The following HS6ST3 variants were observed in gnomAD, a reference collection of about 807,000 sequenced individuals.
The protein encoded by HS6ST3 is heparan sulfate 6-O-sulfotransferase 3.
A neutral mutation model predicts 36.7 loss-of-function variants in HS6ST3; 12 were observed. The ratio of observed to expected loss-of-function variants is 0.33; its 90% CI spans 0.21 to 0.53. The LOEUF (loss-of-function observed/expected upper bound fraction) is 0.53. HS6ST3 is among the 20% of genes least tolerant of loss of function. The pLI, the probability that HS6ST3 is intolerant of heterozygous loss-of-function variation, is 0.95. For missense variants in HS6ST3, 584 were observed against 640.9 expected (o/e 0.91, Z 0.96); for synonymous variants, 240 against 257.5 (o/e 0.93, Z 0.65).
At chr13:96,430,050 A>C (rs12875799) in intron 1 of HS6ST3, among the ~76,000 whole-genome samples, 11,921 of 152,218 alleles carry the variant, frequency 0.078, 619 homozygotes, top group African/African-American at 0.14. Flanking sequence ...AATTTGATTT[A>C]ATGTACTTGC....
chr13:96,109,843 G>A (rs2053859436), intron 1 of HS6ST3, among the ~76,000 whole-genome samples: 2 of 152,182 alleles, frequency 1.3e-5, no homozygotes, highest in South Asian at 4.1e-4. Flanking sequence ...CACTATCTAA[G>A]TTATGATGTG....
At chr13:96,426,038 T>C (rs1823001093) in intron 1 of HS6ST3, among the ~76,000 whole-genome samples, 1 of 150,444 alleles carries the variant, frequency 6.6e-6, no homozygotes, top group African/African-American at 2.5e-5. Context: ...GATCTTCATA[T>C]GGAAACACAA....
chr13:96,239,606 A>AC (rs1195065491), intron 1 of HS6ST3, among the ~76,000 whole-genome samples: 2 of 152,254 alleles, frequency 1.3e-5, no homozygotes, highest in Non-Finnish European at 2.9e-5. Flanking sequence ...TTTACTGTAC[A>AC]AAAGAAATTT....
At chr13:96,662,596 A>C (rs1245660679) in intron 1 of HS6ST3, among the ~76,000 whole-genome samples, 1 of 151,052 alleles carries the variant, frequency 6.6e-6, no homozygotes, top group African/African-American at 2.4e-5. Context: ...TAAAATCTAT[A>C]TTTTGAATTT....
rs915268139 is a variant in HS6ST3, at chr13:96,387,482, G to A, written c.707+295913G>A. Among the ~76,000 whole-genome samples, 12 of 152,194 alleles carry A rather than the reference G, an allele frequency of 7.9e-5. No individual in the cohort carries two copies. The East Asian group carries it at 2.3e-3, about 29-fold the overall frequency. On this transcript the variant is annotated intron_variant, in intron 1 of 1. Coordinates refer to ENST00000376705, the MANE Select transcript of HS6ST3 (RefSeq NM_153456.4). Reference sequence around the variant, plus strand: ...GTGGAGCTATTTGTCATTTGTCTGTGTATGGTGGTTAAAACATTTTCTTTT... The same window carrying A: ...GTGGAGCTATTTGTCATTTGTCTGTATATGGTGGTTAAAACATTTTCTTTT...
intron 1 of HS6ST3, among the ~76,000 whole-genome samples, chr13:96,430,508 G>A (rs529714495): frequency 6.6e-6 from 1 of 152,146 alleles, no homozygotes; most frequent in Non-Finnish European, 1.5e-5. Context: ...CCTGGGGTGA[G>A]GCCCTCATTG....
intron 1 of HS6ST3, among the ~76,000 whole-genome samples, chr13:96,570,041 T>C (rs2056295456): frequency 6.6e-6 from 1 of 152,344 alleles, no homozygotes; most frequent in South Asian, 2.1e-4. Flanking sequence ...AACTGAGACA[T>C]TATTATTTTA....
chr13:96,280,856 C>T (rs2139393646), intron 1 of HS6ST3, among the ~76,000 whole-genome samples: 1 of 152,228 alleles, frequency 6.6e-6, no homozygotes, highest in Middle Eastern at 3.4e-3. Flanking sequence ...TACAAAGACA[C>T]CATATCTTTG....
chr13:96,625,633 A>G lies in HS6ST3; in HGVS notation c.708-206857A>G, dbSNP rs570479166. ...TTCCTAAATACTAATAAAATTGAAC[A>G]TAGTTTCTTGTGTTTATAAGCCTTT... On this transcript the variant is annotated intron_variant, in intron 1 of 1. Transcript: ENST00000376705. Among the ~76,000 whole-genome samples the G allele has an allele frequency of 3.9e-5, 6 of 152,164 alleles. No homozygotes were observed. The East Asian group carries it at 1.2e-3, about 29-fold the overall frequency.
intron 1 of HS6ST3, among the ~76,000 whole-genome samples, chr13:96,765,236 C>T (rs1032796537): frequency 5.9e-5 from 9 of 151,938 alleles, no homozygotes; most frequent in African/African-American, 2.2e-4. Context: ...CCGCGCCTGG[C>T]TAATTTTTTG....
chr13:96,096,700 A>G (rs2139292506), intron 1 of HS6ST3, among the ~76,000 whole-genome samples: 1 of 152,170 alleles, frequency 6.6e-6, no homozygotes, highest in East Asian at 1.9e-4. Flanking sequence ...AGATAAGATG[A>G]GAAAATATAA....
In HS6ST3 at chr13:96,832,867, T is replaced by G; in HGVS notation, c.1085T>G (p.Phe362Cys). 6.2e-7 allele frequency: 1 copy of G among 1,614,168 alleles called. No individual in the cohort carries two copies. Among genetic ancestry groups the G allele is most frequent in the Non-Finnish European group, 8.5e-7 (1 of 1,180,018 alleles). ...GLTEFQRKTQFLFERTFNLKF... is the reference protein window; with the variant it reads ...GLTEFQRKTQCLFERTFNLKF... ...ACTGAGTTCCAGAGGAAGACACAGT[T>G]TCTCTTTGAGAGAACATTCAACCTC... is the stretch of plus-strand genomic sequence containing the variant. The change falls in exon 2 of 2, where the codon TTT becomes TGT. Residue 362 changes from phenylalanine to cysteine, a missense_variant. Physicochemically the swap from Phe to Cys is radical, Grantham distance 205. Coordinates refer to ENST00000376705, the MANE Select transcript of HS6ST3 (RefSeq NM_153456.4).
intron 1 of HS6ST3, among the ~76,000 whole-genome samples, chr13:96,401,976 G>T (rs1395223730): frequency 6.6e-6 from 1 of 152,150 alleles, no homozygotes; most frequent in Non-Finnish European, 1.5e-5. Flanking sequence ...TCTGTCTTTT[G>T]TTGTTGTTTG....
intron 1 of HS6ST3, among the ~76,000 whole-genome samples, chr13:96,525,714 C>A (rs1042149510): frequency 6.6e-6 from 1 of 152,160 alleles, no homozygotes; most frequent in African/African-American, 2.4e-5. Context: ...TATCAAGTTT[C>A]TTTTATAATG....
At chr13:96,433,019 A>G (rs923036919) in intron 1 of HS6ST3, among the ~76,000 whole-genome samples, 1 of 152,226 alleles carries the variant, frequency 6.6e-6, no homozygotes, top group Admixed American at 6.5e-5. Flanking sequence ...TTTGGCTAAT[A>G]AATAGTAAGA....
intron 1 of HS6ST3, among the ~76,000 whole-genome samples, chr13:96,482,497 T>A (rs1410788366): frequency 1.3e-5 from 2 of 151,994 alleles, no homozygotes; most frequent in Non-Finnish European, 2.9e-5. Context: ...AGAGGTAGCC[T>A]TGTCTGTCCT....
At chr13:96,125,499 C>T (rs1037480998) in intron 1 of HS6ST3, among the ~76,000 whole-genome samples, 31 of 152,224 alleles carry the variant, frequency 2.0e-4, no homozygotes, top group African/African-American at 7.0e-4. Context: ...TTATTAACCT[C>T]GTCTGTCTCA....
At chr13:96,171,107 A>C (rs1159343032) in intron 1 of HS6ST3, among the ~76,000 whole-genome samples, 1 of 152,254 alleles carries the variant, frequency 6.6e-6, no homozygotes, top group Non-Finnish European at 1.5e-5. Context: ...AAGACCACAA[A>C]ATCCCATAAT....
At chr13:96,126,052 T>C (rs1317456015) in intron 1 of HS6ST3, among the ~76,000 whole-genome samples, 1 of 152,174 alleles carries the variant, frequency 6.6e-6, no homozygotes, top group Admixed American at 6.5e-5. Context: ...AGCCAGTGAC[T>C]GTGGCTATTT....
Sources: gnomAD v4.1 joint callset for allele counts (sites outside exome capture counted in the v4.1 genomes callset) on GRCh38, gnomAD v4.1.1 for gene constraint, MANE v1.5 for transcripts, NCBI Gene and HGNC (gene_info 2026-07-23, HGNC 2026-07-21) for gene names.